Variants in SPA17 observed in about 807,000 individuals in gnomAD.
SPA17 encodes the protein sperm autoantigenic protein 17, also known as sperm surface protein Sp17.
A neutral mutation model predicts 13.8 loss-of-function variants in SPA17; 7 were observed. The ratio of observed to expected loss-of-function variants is 0.51; its 90% confidence interval spans 0.29 to 0.95. SPA17 has a LOEUF of 0.95. Among genes scored for constraint, SPA17 ranks in the 40% least tolerant of loss-of-function variants. The pLI is 0.08. For synonymous variants in SPA17, 61 were observed against 59.0 expected, an observed-to-expected ratio of 1.03 and a Z score of -0.16; for missense variants, 170 against 179.3, an observed-to-expected ratio of 0.95 and a Z score of 0.30.
At chr11:124,686,190 T>TGGGGGGG (rs60389113) in intron 3 of SPA17, among the ~76,000 whole-genome samples, 8 of 74,862 alleles carry the variant, frequency 1.1e-4, no homozygotes, top group African/African-American at 3.5e-4. Flanking sequence ...GAATCATGGG[T>TGGGGGGG]GGGGGGGGGG....
intron 2 of SPA17, 191 bp downstream of exon 2, chr11:124,675,609 G>A: frequency 1.8e-6 from 1 of 540,986 alleles, no homozygotes; most frequent in Non-Finnish European, 3.2e-6. Context: ...TCATATTATC[G>A]AAGATTACCA....
At chr11:124,675,608 C>T (rs530371291) in intron 2 of SPA17, 190 bp downstream of exon 2, 205 of 536,144 alleles carry the variant, frequency 3.8e-4, no homozygotes, top group South Asian at 8.5e-4. Flanking sequence ...TTCATATTAT[C>T]GAAGATTACC....
intron 3 of SPA17, among the ~76,000 whole-genome samples, chr11:124,686,234 A>T (rs1328437994): frequency 6.7e-6 from 1 of 149,092 alleles, no homozygotes; most frequent in Non-Finnish European, 1.5e-5. Context: ...TCTTTGCCCC[A>T]CTCTCATTCT....
At chr11:124,682,625 ATAGAC>A (rs1425416826) in intron 3 of SPA17, among the ~76,000 whole-genome samples, 3 of 152,162 alleles carry the variant, frequency 2.0e-5, no homozygotes, top group Non-Finnish European at 4.4e-5. Flanking sequence ...AGATTTAACA[ATAGAC>A]TAGACTAAGT....
chr11:124,682,647 A>G (rs987593672), intron 3 of SPA17, among the ~76,000 whole-genome samples: 5 of 152,156 alleles, frequency 3.3e-5, no homozygotes, highest in African/African-American at 1.2e-4. Flanking sequence ...AAGTGGAACA[A>G]AAAAATTTTA....
chr11:124,694,176 C>A, intron 4 of SPA17, 127 bp from the exon 5 acceptor site: 1 of 1,199,368 alleles, frequency 8.3e-7, no homozygotes, highest in East Asian at 2.5e-5. Context: ...ATATGAAATT[C>A]CCTCAGGAAG....
chr11:124,674,042 T>G (rs1943421830), intron 1 of SPA17, 90 bp downstream of exon 1: 1 of 313,740 alleles, frequency 3.2e-6, no homozygotes, highest in Non-Finnish European at 6.0e-6. Flanking sequence ...AGACACAGCC[T>G]CGGAGCCCTG....
chr11:124,685,388 C>G lies in SPA17; in HGVS notation c.225+3929C>G, dbSNP rs1943568290. 2.0e-5 allele frequency among the ~76,000 whole-genome samples: 3 copies of G among 152,348 alleles called. No homozygotes were observed. In the South Asian group the frequency reaches 6.2e-4, roughly 32 times the overall value. ...AGAATTGAGGTTTGGGAAACTCCAC[C>G]TAGATTTCAGAGGATGTATAGAAAC... On this transcript the variant is annotated intron_variant, in intron 3 of 4. Transcript: ENST00000227135.
intron 3 of SPA17, among the ~76,000 whole-genome samples, chr11:124,685,285 G>A (rs1157092330): frequency 6.6e-6 from 1 of 152,260 alleles, no homozygotes; most frequent in Non-Finnish European, 1.5e-5. Context: ...TACAGTTCAG[G>A]CCATTGCTTC....
At chr11:124,675,179 G>A in intron 1 of SPA17, 59 bp from the exon 2 acceptor site, 1 of 1,487,390 alleles carries the variant, frequency 6.7e-7, no homozygotes, top group Non-Finnish European at 9.1e-7. Flanking sequence ...TGGCATAGTT[G>A]TGATTATATA....
chr11:124,681,322 G>A lies in SPA17; in HGVS notation c.155-67G>A, dbSNP rs183512142. 148 of 1,275,126 alleles carry A rather than the reference G, an allele frequency of 1.2e-4. 2 individuals carry two copies. In the East Asian group the frequency reaches 3.2e-3, roughly 28 times the overall value. The allele number at this position is 1,275,126 out of a possible 1,614,324, so 79.0% of individuals were successfully genotyped here. A position where few individuals can be genotyped will look rare whatever the true frequency, so the allele number is the denominator to read the frequency against. ...TTTGAAACAAGAAACTTACATTTGT[G>A]TCACTATTCTACATTTACCTTAATG... On this transcript the variant is annotated intron_variant, in intron 2 of 4. Coordinates refer to ENST00000227135, the MANE Select transcript of SPA17 (RefSeq NM_017425.4).
intron 3 of SPA17, among the ~76,000 whole-genome samples, chr11:124,689,970 T>A (rs1369937676): frequency 6.6e-6 from 1 of 152,144 alleles, no homozygotes. Context: ...TAACAGATAC[T>A]GGCAAGGATT....
intron 3 of SPA17, among the ~76,000 whole-genome samples, chr11:124,686,067 G>A (rs748600269): frequency 8.5e-5 from 13 of 152,086 alleles, no homozygotes; most frequent in Non-Finnish European, 1.6e-4. Context: ...TGAGATTTGG[G>A]AGGGGCCAGG....
chr11:124,692,921 A>G (rs1202903459), intron 4 of SPA17, among the ~76,000 whole-genome samples: 1 of 152,198 alleles, frequency 6.6e-6, no homozygotes, highest in Non-Finnish European at 1.5e-5. Flanking sequence ...CCCCTCAAGG[A>G]ATACCCTACT....
intron 3 of SPA17, 150 bp downstream of exon 3, chr11:124,681,609 T>G (rs1039756314): frequency 1.8e-5 from 5 of 280,704 alleles, no homozygotes; most frequent in Non-Finnish European, 2.6e-5. Context: ...TTAATAAATC[T>G]TATTTTATTA....
intron 2 of SPA17, among the ~76,000 whole-genome samples, 190 bp from the exon 3 acceptor site, chr11:124,681,199 G>T (rs888473018): frequency 5.3e-5 from 8 of 152,072 alleles, no homozygotes; most frequent in Admixed American, 4.6e-4. Context: ...CCAATGTTCA[G>T]TTGGTTATCA....
intron 2 of SPA17, among the ~76,000 whole-genome samples, chr11:124,680,655 A>G (rs1943519377): frequency 1.3e-5 from 2 of 152,198 alleles, no homozygotes; most frequent in African/African-American, 4.8e-5. Flanking sequence ...TTGAAGTATG[A>G]TAATGGTGGT....
chr11:124,674,054 GC>G (rs1943422219), intron 1 of SPA17, 102 bp downstream of exon 1: 1 of 285,664 alleles, frequency 3.5e-6, no homozygotes, highest in Non-Finnish European at 6.7e-6. Context: ...GGAGCCCTGG[GC>G]CGTTTGGGAG....
Position 124,694,642 on chromosome 11 carries a change from A to G in SPA17, c.*196A>G. ...GCCACTTGAAGATTTCTCTGAGATC[A>G]TGAGTTTGTTTACACTTGTCTCAAG... On this transcript the variant is annotated 3_prime_UTR_variant, in exon 5 of 5. Transcript: ENST00000227135. 1 of 650,900 alleles carries G rather than the reference A, an allele frequency of 1.5e-6. No individual in the cohort carries two copies. The allele number at this position is 650,900 out of a possible 1,614,324, so 40.3% of individuals were successfully genotyped here.
Sources: gnomAD v4.1 joint callset for allele counts (sites outside exome capture counted in the v4.1 genomes callset) on GRCh38, gnomAD v4.1.1 for gene constraint, MANE v1.5 for transcripts, NCBI Gene and HGNC (gene_info 2026-07-23, HGNC 2026-07-21) for gene names.